KIAA1549: variants seen among roughly 807,000 people sequenced by gnomAD.
KIAA1549 encodes UPF0606 protein KIAA1549.
KIAA1549 carries 70 observed loss-of-function variants against 156.4 expected under a neutral mutation model. That is an observed-to-expected ratio of 0.45 (90% CI 0.37 to 0.55). KIAA1549 has a LOEUF of 0.55. Among genes scored for constraint, KIAA1549 ranks in the 20% least tolerant of loss-of-function variants. The pLI, the probability that KIAA1549 is intolerant of heterozygous loss-of-function variation, is 0.00. For synonymous variants in KIAA1549, 1,103 were observed against 1,066.4 expected, an observed-to-expected ratio of 1.03 and a Z score of -0.67; for missense variants, 2,428 against 2,540.9, an observed-to-expected ratio of 0.96 and a Z score of 0.96.
In KIAA1549 at chr7:138,902,141, T is replaced by A. The variant is rs569275846; in HGVS notation, c.3669+1447A>T. Among the ~76,000 whole-genome samples, 755 of 152,346 alleles carry A rather than the reference T, an allele frequency of 5.0e-3. 4 individuals carry two copies. Among genetic ancestry groups the A allele is most frequent in the Middle Eastern group, 0.01 (3 of 294 alleles). On this transcript the variant is annotated intron_variant, in intron 8 of 19. Coordinates refer to ENST00000422774, the MANE Select transcript of KIAA1549 (RefSeq NM_001164665.2). ...TGATTACTCTCAATTGTGATTAGTT[T>A]TTAAATTTCTCTGTAACTTACTGCA...
chr7:138,907,396 T>C (rs1812037954), intron 5 of KIAA1549, among the ~76,000 whole-genome samples: 1 of 152,064 alleles, frequency 6.6e-6, no homozygotes, highest in Non-Finnish European at 1.5e-5. Flanking sequence ...ACAACAGCAC[T>C]GAGAATGGAA....
At chr7:138,943,598 C>G (rs909067260) in intron 1 of KIAA1549, among the ~76,000 whole-genome samples, 8 of 152,074 alleles carry the variant, frequency 5.3e-5, no homozygotes, top group Admixed American at 5.2e-4. Flanking sequence ...GCCTGTAATC[C>G]CAGCACTTTG....
intron 1 of KIAA1549, among the ~76,000 whole-genome samples, chr7:138,945,565 G>A (rs1458142579): frequency 2.0e-5 from 3 of 152,212 alleles, no homozygotes; most frequent in African/African-American, 4.8e-5. Context: ...TCGCTTTTGA[G>A]TTGAGACTTT....
chr7:138,831,848 G>T lies in KIAA1549; in HGVS notation c.*6058C>A, dbSNP rs1019462890. 8.6e-6 allele frequency: 2 copies of T among 232,682 alleles called. No individual in the cohort carries two copies. The highest frequency in any genetic ancestry group is 1.7e-5 in the Non-Finnish European group (2 of 117,778). The allele number at this position is 232,682 out of a possible 1,614,324, so 14.4% of individuals were successfully genotyped here. ...ACTCCCTGCGTCCCAGAGATGCTCCGGAGGAGGGCAAAGTCGAGGGCGTTC... is the reference window on the plus strand; with the variant it reads ...ACTCCCTGCGTCCCAGAGATGCTCCTGAGGAGGGCAAAGTCGAGGGCGTTC... On this transcript the variant is annotated 3_prime_UTR_variant, in exon 20 of 20. Transcript: ENST00000422774.
chr7:138,977,655 A>AACACACACACAC (rs10625706), intron 1 of KIAA1549, among the ~76,000 whole-genome samples: 2,750 of 146,862 alleles, frequency 0.019, 49 homozygotes, highest in African/African-American at 0.036. Flanking sequence ...TACTCAAGAA[A>AACACACACACAC]ACACACACAC....
intron 16 of KIAA1549, among the ~76,000 whole-genome samples, chr7:138,854,556 C>CA (rs1459584851): frequency 4.1e-4 from 62 of 150,746 alleles, no homozygotes; most frequent in Admixed American, 2.5e-3. Flanking sequence ...TTTTTTTAAC[C>CA]AAAAAAAAGC....
chr7:138,970,740 C>A (rs1376508726), intron 1 of KIAA1549, among the ~76,000 whole-genome samples: 11 of 152,222 alleles, frequency 7.2e-5, no homozygotes, highest in Admixed American at 7.2e-4. Flanking sequence ...CCTGCTCAGA[C>A]CTGTCTCCTG....
Position 138,907,090 on chromosome 7 carries a change from T to TG in KIAA1549, c.3288dup (p.Thr1097HisfsTer21). ...GGAGTCACCCTTGAGGAACTGATGGTGATATTCAAGATCTGAAAGAATAAA... is the reference window on the plus strand; with the variant it reads ...GGAGTCACCCTTGAGGAACTGATGGTGGATATTCAAGATCTGAAAGAATAAA... On this transcript the variant is annotated frameshift_variant, in exon 6 of 20. Coordinates refer to ENST00000422774, the MANE Select transcript of KIAA1549 (RefSeq NM_001164665.2). LOFTEE classifies it high-confidence loss of function. 6.3e-7 allele frequency: 1 copy of TG among 1,588,472 alleles called. No homozygotes were observed. Among genetic ancestry groups the TG allele is most frequent in the Non-Finnish European group, 8.5e-7 (1 of 1,171,070 alleles).
chr7:138,919,957 T>A (rs930252551), intron 1 of KIAA1549, among the ~76,000 whole-genome samples: 3 of 152,134 alleles, frequency 2.0e-5, no homozygotes, highest in Non-Finnish European at 4.4e-5. Flanking sequence ...ACTACCCAAG[T>A]AAGAGAGTTC....
intron 1 of KIAA1549, among the ~76,000 whole-genome samples, chr7:138,951,231 G>A (rs772235211): frequency 3.3e-5 from 5 of 151,788 alleles, no homozygotes; most frequent in Non-Finnish European, 5.9e-5. Context: ...ATGCCCAGCC[G>A]CATCCTCCCT....
Position 138,933,354 on chromosome 7 carries a change from C to T in KIAA1549, c.188-13916G>A, listed in dbSNP as rs537932079. ...GAGGAAGCATCAGATAAACCCAGTA[C>T]CAGGGATATTGTACAAAAGACCTGA... On this transcript the variant is annotated intron_variant, in intron 1 of 19. Transcript: ENST00000422774. Among the ~76,000 whole-genome samples the T allele has an allele frequency of 5.3e-5, 8 of 152,254 alleles. No individual in the cohort carries two copies. The East Asian group carries it at 1.5e-3, about 29-fold the overall frequency.
At chr7:138,949,073 C>A (rs1376137739) in intron 1 of KIAA1549, among the ~76,000 whole-genome samples, 1 of 152,180 alleles carries the variant, frequency 6.6e-6, no homozygotes, top group East Asian at 1.9e-4. Context: ...ACAGCTCTGT[C>A]ATTTCTTACC....
At chr7:138,843,794 A>AT (rs1202638160) in intron 18 of KIAA1549, among the ~76,000 whole-genome samples, 1 of 152,172 alleles carries the variant, frequency 6.6e-6, no homozygotes, top group African/African-American at 2.4e-5. Flanking sequence ...AGGACACACT[A>AT]TTTTTTTGCT....
chr7:138,912,596 C>A (rs1444022955), intron 2 of KIAA1549, 136 bp from the exon 3 acceptor site: 3 of 685,098 alleles, frequency 4.4e-6, no homozygotes, highest in Admixed American at 4.5e-5. Flanking sequence ...AAGGCCAGAC[C>A]AAGACAGAAC....
chr7:138,944,253 C>G (rs1044655255), intron 1 of KIAA1549, among the ~76,000 whole-genome samples: 16 of 152,266 alleles, frequency 1.1e-4, no homozygotes, highest in African/African-American at 3.4e-4. Context: ...ACCCCAGCAT[C>G]TGAATAACTT....
At position 138,864,879 on chromosome 7, in the gene KIAA1549, C is replaced by T. The variant is rs1039711285; in HGVS notation, c.4929+3096G>A. ...GTCACAACCACTCAACTCTGCCTTG[C>T]AGCAAAAACAGTCATTGATATCAAG... On this transcript the variant is annotated intron_variant, in intron 15 of 19. Transcript: ENST00000422774. Among the ~76,000 whole-genome samples, 4 of 152,314 alleles carry T rather than the reference C, an allele frequency of 2.6e-5. No individual in the cohort carries two copies. The East Asian group carries it at 7.7e-4, about 29-fold the overall frequency.
At chr7:138,943,204 C>T (rs528847138) in intron 1 of KIAA1549, among the ~76,000 whole-genome samples, 4 of 152,284 alleles carry the variant, frequency 2.6e-5, no homozygotes, top group South Asian at 4.1e-4. Context: ...TGCCCAGATG[C>T]GTCACGAGTC....
intron 8 of KIAA1549, 76 bp from the exon 9 acceptor site, chr7:138,899,208 G>A: frequency 3.7e-6 from 5 of 1,340,370 alleles, no homozygotes; most frequent in Non-Finnish European, 5.3e-6. Context: ...GCTGAATCCT[G>A]GCTGTGTCAC....
intron 1 of KIAA1549, among the ~76,000 whole-genome samples, chr7:138,959,234 T>C (rs1052140249): frequency 1.3e-5 from 2 of 152,212 alleles, no homozygotes; most frequent in African/African-American, 4.8e-5. Flanking sequence ...AAATCTGCTA[T>C]ACATTAATTC....
Sources: gnomAD v4.1 joint callset for allele counts (sites outside exome capture counted in the v4.1 genomes callset) on GRCh38, gnomAD v4.1.1 for gene constraint, MANE v1.5 for transcripts, NCBI Gene and HGNC (gene_info 2026-07-23, HGNC 2026-07-21) for gene names.